TMEM232: variants seen among roughly 807,000 people sequenced by gnomAD.
TMEM232 encodes transmembrane protein 232.
A neutral mutation model predicts 78.8 loss-of-function variants in TMEM232; 80 were observed. The observed-to-expected ratio is 1.01, with a 90% CI of 0.85 to 1.22. TMEM232 has a LOEUF of 1.22. Among genes scored for constraint, TMEM232 ranks in the 50% most tolerant of loss-of-function variants. The pLI, the probability that TMEM232 is intolerant of heterozygous loss-of-function variation, is 0.00. For missense variants in TMEM232, 881 were observed against 742.2 expected, an observed-to-expected ratio of 1.19 and a Z score of -2.17; for synonymous variants, 297 against 254.3, an observed-to-expected ratio of 1.17 and a Z score of -1.60.
chr5:110,720,775 C>T (rs995137479), intron 1 of TMEM232: 1 of 152,070 alleles, frequency 6.6e-6, no homozygotes, highest in Non-Finnish European at 1.5e-5. Context: ...TGACTGAGTG[C>T]TTTGTGCTAT....
chr5:110,588,731 G>T (rs1338511540), intron 10 of TMEM232, among the ~76,000 whole-genome samples: 2 of 152,146 alleles, frequency 1.3e-5, no homozygotes, highest in African/African-American at 4.8e-5. Flanking sequence ...GGAAAGACCT[G>T]CTTTGGGAGA....
chr5:110,417,623 T>TC (rs1406124600), downstream of TMEM232: 3 of 111,780 alleles, frequency 2.7e-5, no homozygotes, highest in South Asian at 9.5e-4. Flanking sequence ...TTTTTCTTTT[T>TC]TTTTTTTTTT....
intron 1 of TMEM232, among the ~76,000 whole-genome samples, chr5:110,723,478 C>T (rs1373749835): frequency 6.6e-6 from 1 of 152,068 alleles, no homozygotes; most frequent in Non-Finnish European, 1.5e-5. Context: ...TATTTGGGGG[C>T]CTACTGAGAT....
At chr5:110,403,653 G>C (rs558991394) in intron 2 of TMEM232, among the ~76,000 whole-genome samples, 1 of 152,112 alleles carries the variant, frequency 6.6e-6, no homozygotes, top group East Asian at 1.9e-4. Flanking sequence ...GAAACACATA[G>C]GGATTTGGGC....
At chr5:110,725,733 T>C (rs567763659) in intron 1 of TMEM232, 1 of 152,320 alleles carries the variant, frequency 6.6e-6, no homozygotes, top group Admixed American at 6.5e-5. Context: ...CCCAGATTTC[T>C]TTTTTTAGTT....
intron 12 of TMEM232, among the ~76,000 whole-genome samples, chr5:110,515,796 AGAG>A (rs1367232102): frequency 6.6e-6 from 1 of 152,192 alleles, no homozygotes; most frequent in Non-Finnish European, 1.5e-5. Context: ...AGGAAGCTGC[AGAG>A]GAGGAGCACT....
chr5:110,714,180 C>A (rs1004016862), intron 1 of TMEM232, among the ~76,000 whole-genome samples: 2 of 152,158 alleles, frequency 1.3e-5, no homozygotes, highest in Admixed American at 1.3e-4. Context: ...CAAGTTGGAA[C>A]TCCCTGCTGC....
At chr5:110,686,370 G>A (rs1793404482) in intron 1 of TMEM232, among the ~76,000 whole-genome samples, 1 of 151,952 alleles carries the variant, frequency 6.6e-6, no homozygotes. Flanking sequence ...CAGGTTTATA[G>A]TTCTAACCAA....
intron 4 of TMEM232, among the ~76,000 whole-genome samples, chr5:110,640,512 C>T (rs1415262159): frequency 1.3e-5 from 2 of 151,654 alleles, no homozygotes; most frequent in Admixed American, 1.3e-4. Context: ...AAGTGGAAAA[C>T]AAATGGTCAT....
intron 1 of TMEM232, among the ~76,000 whole-genome samples, chr5:110,669,346 A>G (rs1398082983): frequency 5.9e-5 from 9 of 152,238 alleles, no homozygotes; most frequent in Admixed American, 4.6e-4. Context: ...AGAATACTAT[A>G]AACACCTCTA....
intron 1 of TMEM232, among the ~76,000 whole-genome samples, chr5:110,676,731 TTTTATTTATTTATTTATTTA>T (rs146657284): frequency 5.7e-5 from 8 of 139,312 alleles, no homozygotes; most frequent in African/African-American, 1.7e-4. Context: ...ACCCTTCATC[TTTTATTTATTTATTTATTTA>T]TTTATTTATT....
intron 11 of TMEM232, among the ~76,000 whole-genome samples, chr5:110,542,839 T>C (rs1773326757): frequency 6.6e-6 from 1 of 152,110 alleles, no homozygotes; most frequent in African/African-American, 2.4e-5. Context: ...AAATTGAAAG[T>C]ACCTCTGATT....
intron 10 of TMEM232, among the ~76,000 whole-genome samples, chr5:110,594,713 T>C (rs2149786091): frequency 6.6e-6 from 1 of 152,314 alleles, no homozygotes; most frequent in South Asian, 2.1e-4. Flanking sequence ...GCAAAGCAGC[T>C]GTGGCCAGAC....
chr5:110,717,774 T>C (rs1388110897), intron 1 of TMEM232, among the ~76,000 whole-genome samples: 1 of 152,058 alleles, frequency 6.6e-6, no homozygotes, highest in Non-Finnish European at 1.5e-5. Context: ...CTCTCCCCCT[T>C]TCACTCCTCA....
chr5:110,393,553 A>G (rs1482510512), intron 3 of TMEM232, among the ~76,000 whole-genome samples: 1 of 152,224 alleles, frequency 6.6e-6, no homozygotes, highest in Non-Finnish European at 1.5e-5. Flanking sequence ...TAGATAGCAT[A>G]TAATTGAAAC....
chr5:110,570,433 T>A (rs990436994), intron 10 of TMEM232, among the ~76,000 whole-genome samples: 3 of 151,856 alleles, frequency 2.0e-5, no homozygotes, highest in African/African-American at 4.8e-5. Context: ...GTCTGGGACA[T>A]GAGAATAATT....
At chr5:110,524,362 A>AG (rs1770106516) in intron 12 of TMEM232, among the ~76,000 whole-genome samples, 2 of 106,454 alleles carry the variant, frequency 1.9e-5, no homozygotes, top group Admixed American at 1.1e-4. Flanking sequence ...AAAGAAAGAA[A>AG]AAAAGAAAGA....
At chr5:110,489,190 C>T (rs76021615) in intron 12 of TMEM232, among the ~76,000 whole-genome samples, 4,848 of 151,506 alleles carry the variant, frequency 0.032, 300 homozygotes, top group East Asian at 0.26. Context: ...TAGTATTTTC[C>T]GGATACCAAA....
At chr5:110,597,613 A>G (rs1174855787) in intron 10 of TMEM232, among the ~76,000 whole-genome samples, 1 of 151,808 alleles carries the variant, frequency 6.6e-6, no homozygotes, top group Admixed American at 6.6e-5. Flanking sequence ...ACTTCAAACT[A>G]TACTACAAGG....
Sources: gnomAD v4.1 joint callset for allele counts (sites outside exome capture counted in the v4.1 genomes callset) on GRCh38, gnomAD v4.1.1 for gene constraint, MANE v1.5 for transcripts, NCBI Gene and HGNC (gene_info 2026-07-23, HGNC 2026-07-21) for gene names.